PCED1B: variants seen among roughly 807,000 people sequenced by gnomAD.
PCED1B encodes PC-esterase domain containing 1B.
For missense variants in PCED1B, 573 were observed against 573.9 expected (o/e 1.00, Z 0.02); for synonymous variants, 251 against 246.1 (o/e 1.02, Z -0.19).
intron 2 of PCED1B, among the ~76,000 whole-genome samples, chr12:47,173,745 G>C (rs991548168): frequency 6.6e-6 from 1 of 152,122 alleles, no homozygotes; most frequent in Non-Finnish European, 1.5e-5. Context: ...GCCCAGATAA[G>C]AGAGATTATC....
chr12:47,211,598 G>C (rs1256848169), intron 2 of PCED1B, among the ~76,000 whole-genome samples: 1 of 140,992 alleles, frequency 7.1e-6, no homozygotes, highest in Non-Finnish European at 1.5e-5. Flanking sequence ...AGGTTGCAAT[G>C]AGCCAAGATC....
chr12:47,186,929 T>A (rs1404818), intron 2 of PCED1B, among the ~76,000 whole-genome samples: 67,612 of 151,536 alleles, frequency 0.45, 17,253 homozygotes, highest in South Asian at 0.59. Context: ...AACAACCAAT[T>A]GATAAAGGGA....
chr12:47,177,354 G>T (rs1941955288), intron 2 of PCED1B, among the ~76,000 whole-genome samples: 1 of 152,224 alleles, frequency 6.6e-6, no homozygotes, highest in Non-Finnish European at 1.5e-5. Context: ...AAATTGGAGA[G>T]AAATATCTCC....
At chr12:47,165,260 C>T (rs1941508653) in intron 2 of PCED1B, among the ~76,000 whole-genome samples, 1 of 152,234 alleles carries the variant, frequency 6.6e-6, no homozygotes, top group African/African-American at 2.4e-5. Context: ...GTTAGCAAAA[C>T]ATTTACTCCA....
At chr12:47,139,713 T>C (rs746033766) in intron 2 of PCED1B, among the ~76,000 whole-genome samples, 8 of 152,102 alleles carry the variant, frequency 5.3e-5, no homozygotes, top group Admixed American at 6.6e-5. Context: ...TATGTGCATA[T>C]AGTATGTATA....
intron 2 of PCED1B, among the ~76,000 whole-genome samples, chr12:47,160,628 T>C (rs1379768174): frequency 2.0e-5 from 3 of 152,134 alleles, no homozygotes; most frequent in Non-Finnish European, 2.9e-5. Context: ...ATCTTTCATG[T>C]CTTATCCAAG....
intron 2 of PCED1B, among the ~76,000 whole-genome samples, chr12:47,163,935 T>C (rs1173007456): frequency 6.6e-6 from 1 of 152,152 alleles, no homozygotes; most frequent in African/African-American, 2.4e-5. Flanking sequence ...AACCCTCTAC[T>C]GTAACAACAT....
intron 2 of PCED1B, among the ~76,000 whole-genome samples, chr12:47,168,416 C>A (rs1231266391): frequency 1.3e-5 from 2 of 152,072 alleles, no homozygotes; most frequent in Non-Finnish European, 2.9e-5. Flanking sequence ...TCTCTTATTT[C>A]TTATCTTGTG....
At chr12:47,170,104 G>T (rs1304229640) in intron 2 of PCED1B, among the ~76,000 whole-genome samples, 1 of 151,858 alleles carries the variant, frequency 6.6e-6, no homozygotes, top group African/African-American at 2.4e-5. Context: ...GACTCTTAAG[G>T]AGCATGCTGC....
At chr12:47,213,775 A>G (rs1943165349) in intron 2 of PCED1B, among the ~76,000 whole-genome samples, 1 of 152,214 alleles carries the variant, frequency 6.6e-6, no homozygotes, top group Admixed American at 6.5e-5. Context: ...GCTTTGAAAC[A>G]TGAGATAGGG....
chr12:47,188,365 AGGGTGTT>A (rs1182349587), intron 2 of PCED1B, among the ~76,000 whole-genome samples: 1 of 152,194 alleles, frequency 6.6e-6, no homozygotes, highest in African/African-American at 2.4e-5. Flanking sequence ...GAATTCAGGA[AGGGTGTT>A]AGCTGCAAAT....
chr12:47,142,270 C>T (rs1488039219), intron 2 of PCED1B, among the ~76,000 whole-genome samples: 1 of 152,152 alleles, frequency 6.6e-6, no homozygotes, highest in African/African-American at 2.4e-5. Flanking sequence ...CAACTCCAAC[C>T]CCACTCAACT....
rs1023985564 is a variant in PCED1B at position 47,174,441 on chromosome 12, C to A, written c.-525-41781C>A. 9.9e-4 allele frequency among the ~76,000 whole-genome samples: 143 copies of A among 145,134 alleles called. 1 individual carries two copies. Among genetic ancestry groups the A allele is most frequent in the Non-Finnish European group, 4.2e-4 (28 of 67,098 alleles). On this transcript the variant is annotated intron_variant, in intron 2 of 3. Coordinates refer to ENST00000546455, the MANE Select transcript of PCED1B (RefSeq NM_138371.3). Reference sequence around the variant, plus strand: ...AAAACAAACAAAACAAACAAACAAACAAAATAAATAAATAAATAAATAAAT... The same window carrying A: ...AAAACAAACAAAACAAACAAACAAAAAAAATAAATAAATAAATAAATAAAT...
intron 3 of PCED1B, among the ~76,000 whole-genome samples, chr12:47,219,794 T>C (rs2137824875): frequency 6.6e-6 from 1 of 152,264 alleles, no homozygotes; most frequent in South Asian, 2.1e-4. Context: ...GATAATATGA[T>C]TTTTTTTCTT....
chr12:47,112,060 G>A (rs1565753948), intron 2 of PCED1B, among the ~76,000 whole-genome samples: 2 of 152,182 alleles, frequency 1.3e-5, no homozygotes, highest in South Asian at 2.1e-4. Context: ...GCCCACGCGA[G>A]CTCTGTGCTT....
At chr12:47,212,010 G>A (rs1422362352) in intron 2 of PCED1B, among the ~76,000 whole-genome samples, 1 of 149,942 alleles carries the variant, frequency 6.7e-6, no homozygotes, top group Admixed American at 6.7e-5. Flanking sequence ...GGGAGGCGGA[G>A]CTTGCAGTGA....
At chr12:47,218,664 T>C (rs1253357365) in intron 3 of PCED1B, among the ~76,000 whole-genome samples, 3 of 150,942 alleles carry the variant, frequency 2.0e-5, no homozygotes, top group Non-Finnish European at 4.4e-5. Flanking sequence ...TTTTTAATTT[T>C]TTTTCTTTTT....
At chr12:47,177,093 G>A (rs920811861) in intron 2 of PCED1B, among the ~76,000 whole-genome samples, 1 of 152,166 alleles carries the variant, frequency 6.6e-6, no homozygotes, top group Non-Finnish European at 1.5e-5. Flanking sequence ...ACTCTGAGAT[G>A]CCTCAGAGCA....
intron 1 of PCED1B, among the ~76,000 whole-genome samples, chr12:47,085,463 A>T (rs1472910736): frequency 6.6e-6 from 1 of 152,188 alleles, no homozygotes; most frequent in Non-Finnish European, 1.5e-5. Flanking sequence ...TAAGTATTCT[A>T]TTGTGATGGG....
Sources: gnomAD v4.1 joint callset for allele counts (sites outside exome capture counted in the v4.1 genomes callset) on GRCh38, gnomAD v4.1.1 for gene constraint, MANE v1.5 for transcripts, NCBI Gene and HGNC (gene_info 2026-07-23, HGNC 2026-07-21) for gene names.